Variants in IFRD1 observed in about 807,000 individuals in gnomAD.
IFRD1 encodes the protein interferon-related developmental regulator 1.
In IFRD1, 35 loss-of-function variants were observed where a neutral mutation model predicts 52.9. That is an observed-to-expected ratio of 0.66 (90% CI 0.51 to 0.88). IFRD1 has a LOEUF of 0.88. Among genes scored for constraint, IFRD1 ranks in the 40% least tolerant of loss-of-function variants. The pLI is 0.00. For synonymous variants in IFRD1, 184 were observed against 188.4 expected, an observed-to-expected ratio of 0.98 and a Z score of 0.19; for missense variants, 517 against 550.8, an observed-to-expected ratio of 0.94 and a Z score of 0.61.
At position 112,461,871 on chromosome 7, in the gene IFRD1, A is replaced by C. The variant is rs1795446890; in HGVS notation, c.573A>C (p.Ala191=). The C allele has an allele frequency of 6.3e-7, 1 of 1,577,076 alleles. No homozygotes were observed. The highest frequency in any genetic ancestry group is 8.7e-7 in the Non-Finnish European group (1 of 1,149,460). Residue 191 remains alanine (A), a synonymous_variant, in exon 6 of 12, where the codon GCA becomes GCC. Transcript: ENST00000403825. ...ATATATATTTTTTTTTTTAGTGTGC[A>C]ACTTGCTTTGGTGTTTGCTGTTTTA... The part of the protein sequence containing the change: ...SASMQARQTC[A]TCFGVCCFIA...
intron 11 of IFRD1, among the ~76,000 whole-genome samples, chr7:112,475,084 G>A (rs1795864085): frequency 6.6e-6 from 1 of 151,814 alleles, no homozygotes; most frequent in African/African-American, 2.4e-5. Context: ...TCAGCCTCCC[G>A]AGTAGCTGGG....
chr7:112,426,104 T>C (rs182333645), intron 1 of IFRD1, among the ~76,000 whole-genome samples: 110 of 152,250 alleles, frequency 7.2e-4, no homozygotes, highest in Admixed American at 1.8e-3. Context: ...TACCAGCTGC[T>C]TGGGAGACTG....
chr7:112,425,061 G>A (rs1794399146), intron 1 of IFRD1, among the ~76,000 whole-genome samples: 1 of 152,072 alleles, frequency 6.6e-6, no homozygotes, highest in Non-Finnish European at 1.5e-5. Context: ...GGAGTGCAGT[G>A]TTGACATGAT....
At chr7:112,450,422 G>C, upstream of IFRD1, 3 of 512,752 alleles carry the variant, frequency 5.9e-6, no homozygotes, top group South Asian at 6.1e-5. Context: ...GTCAGGTGGC[G>C]GTATTGCTAC....
At chr7:112,437,041 G>A (rs1211761305) in intron 1 of IFRD1, among the ~76,000 whole-genome samples, 1 of 151,932 alleles carries the variant, frequency 6.6e-6, no homozygotes, top group African/African-American at 2.4e-5. Flanking sequence ...TCAACCTCTA[G>A]GGCCCACCAA....
intron 1 of IFRD1, among the ~76,000 whole-genome samples, chr7:112,429,408 A>C (rs1794500273): frequency 6.6e-6 from 1 of 152,220 alleles, no homozygotes. Context: ...CAGATGTATA[A>C]ATCTTTGAAC....
Position 112,475,830 on chromosome 7 carries a change from G to T in IFRD1, c.*311G>T, listed in dbSNP as rs1432880497. Reference sequence around the variant, plus strand: ...AAGTTTAATTTCTTACACTGTGGTTGTCAAGAATACTGATTTACTATAATG... The same window carrying T: ...AAGTTTAATTTCTTACACTGTGGTTTTCAAGAATACTGATTTACTATAATG... On this transcript the variant is annotated 3_prime_UTR_variant, in exon 12 of 12. Coordinates refer to ENST00000403825, the MANE Select transcript of IFRD1 (RefSeq NM_001550.4). 1 of 296,148 alleles carries T rather than the reference G, an allele frequency of 3.4e-6. No individual in the cohort carries two copies. Among genetic ancestry groups the T allele is most frequent in the African/African-American group, 2.2e-5 (1 of 44,806 alleles). 18.3% of individuals were successfully genotyped at this position (296,148 alleles called of 1,614,324 possible).
intron 11 of IFRD1, among the ~76,000 whole-genome samples, chr7:112,474,914 A>T (rs1242243401): frequency 6.6e-6 from 1 of 151,980 alleles, no homozygotes; most frequent in African/African-American, 2.4e-5. Flanking sequence ...GGCGTTTTAC[A>T]ATTTGATTAG....
At chr7:112,472,934 G>A in intron 11 of IFRD1, 73 bp downstream of exon 11, 1 of 986,706 alleles carries the variant, frequency 1.0e-6, no homozygotes, top group South Asian at 1.3e-5. Flanking sequence ...CAGCAACTTA[G>A]CTGTGTCTAC....
chr7:112,438,753 A>G (rs1794778795), intron 1 of IFRD1, among the ~76,000 whole-genome samples: 1 of 152,174 alleles, frequency 6.6e-6, no homozygotes, highest in Non-Finnish European at 1.5e-5. Flanking sequence ...AATTAACCCT[A>G]TTATCATGTG....
intron 1 of IFRD1, among the ~76,000 whole-genome samples, chr7:112,442,869 C>T (rs1053457409): frequency 3.9e-5 from 6 of 151,994 alleles, no homozygotes; most frequent in African/African-American, 4.8e-5. Flanking sequence ...AATGAGCTTC[C>T]CTGAAGAGTT....
intron 1 of IFRD1, among the ~76,000 whole-genome samples, chr7:112,451,356 C>CG (rs1340074108): frequency 2.0e-5 from 3 of 152,170 alleles, no homozygotes; most frequent in African/African-American, 7.2e-5. Context: ...GCGTCGGAGG[C>CG]GGGGGGACCA....
At chr7:112,450,019 C>A, upstream of IFRD1, 1 of 153,444 alleles carries the variant, frequency 6.5e-6, no homozygotes, top group Non-Finnish European at 1.5e-5. Context: ...GAACACCAGC[C>A]TCCGGAGAAA....
At position 112,468,106 on chromosome 7, in the gene IFRD1, G is replaced by T. The variant is rs1203216743; in HGVS notation, c.1032G>T (p.Arg344Ser). The T allele has an allele frequency of 5.6e-6, 9 of 1,613,878 alleles. No homozygotes were observed. The highest frequency in any genetic ancestry group is 7.6e-6 in the Non-Finnish European group (9 of 1,179,928). The part of the protein sequence containing the change: ...KQRSVFRDVL[R>S]AVEERDFPTE... ...GGTCAGTTTTCAGAGATGTCCTGAGGGCAGTGGAGGTAGGCTTCTTAAATG... is the reference window on the plus strand; with the variant it reads ...GGTCAGTTTTCAGAGATGTCCTGAGTGCAGTGGAGGTAGGCTTCTTAAATG... The change falls in exon 9 of 12, where the codon AGG becomes AGT. Residue 344 changes from arginine to serine, a missense_variant. Coordinates refer to ENST00000403825, the MANE Select transcript of IFRD1 (RefSeq NM_001550.4).
In IFRD1 at chr7:112,458,746, G is replaced by A. The variant is rs1322679279; in HGVS notation, c.410-115G>A. ...AACTTACATCAAAGCCTGGAGCATG[G>A]GGTTTCAAAAATGGTAAATGCTATT... On this transcript the variant is annotated intron_variant, in intron 4 of 11. Transcript: ENST00000403825. 6.6e-6 allele frequency: 6 copies of A among 908,148 alleles called. No individual in the cohort carries two copies. In the East Asian group the frequency reaches 1.6e-4, roughly 23 times the overall value. 56.3% of individuals were successfully genotyped at this position (908,148 alleles called of 1,614,324 possible). A position where few individuals can be genotyped will look rare whatever the true frequency, so the allele number is the denominator to read the frequency against.
At chr7:112,466,457 A>G (rs1563270710) in intron 8 of IFRD1, among the ~76,000 whole-genome samples, 1 of 152,032 alleles carries the variant, frequency 6.6e-6, no homozygotes, top group Non-Finnish European at 1.5e-5. Flanking sequence ...ATATTTTGTC[A>G]TTGTAGGGGT....
intron 1 of IFRD1, among the ~76,000 whole-genome samples, chr7:112,435,840 T>A (rs765739983): frequency 3.3e-5 from 5 of 152,152 alleles, no homozygotes; most frequent in Non-Finnish European, 4.4e-5. Context: ...ATATTTTATA[T>A]GCCTATTAAT....
chr7:112,472,367 C>T lies in IFRD1; in HGVS notation c.1170+20C>T, dbSNP rs1563273098. On this transcript the variant is annotated intron_variant, in intron 10 of 11. Coordinates refer to ENST00000403825, the MANE Select transcript of IFRD1 (RefSeq NM_001550.4). ...TTGCAGGTAAGTGTCATCCTTTCTA[C>T]ATATTTGCTTTTAAAGTAGGGAGCA... 3 of 1,613,718 alleles carry T rather than the reference C, an allele frequency of 1.9e-6. No homozygotes were observed. The highest frequency in any genetic ancestry group is 1.3e-5 in the African/African-American group (1 of 75,036).
intron 1 of IFRD1, among the ~76,000 whole-genome samples, chr7:112,445,379 A>G (rs945458355): frequency 6.6e-6 from 1 of 152,130 alleles, no homozygotes; most frequent in Non-Finnish European, 1.5e-5. Flanking sequence ...CTAGGCTTTC[A>G]TCACAACAGA....
Sources: gnomAD v4.1 joint callset for allele counts (sites outside exome capture counted in the v4.1 genomes callset) on GRCh38, gnomAD v4.1.1 for gene constraint, MANE v1.5 for transcripts, NCBI Gene and HGNC (gene_info 2026-07-23, HGNC 2026-07-21) for gene names.